Variants in FYTTD1 observed in about 807,000 individuals in gnomAD.
FYTTD1 encodes forty-two-three domain containing 1.
FYTTD1 carries 22 observed loss-of-function variants against 40.9 expected under a neutral mutation model. That is an observed-to-expected ratio of 0.54 (90% CI 0.38 to 0.77). FYTTD1 has a LOEUF of 0.77. Among genes scored for constraint, FYTTD1 ranks in the 30% least tolerant of loss-of-function variants. FYTTD1 has a pLI of 0.00. For synonymous variants in FYTTD1, 140 were observed against 137.9 expected (o/e 1.01, Z -0.10); for missense variants, 351 against 392.2 (o/e 0.90, Z 0.89).
chr3:197,771,114 C>T (rs568801740), intron 4 of FYTTD1, among the ~76,000 whole-genome samples: 3 of 151,922 alleles, frequency 2.0e-5, no homozygotes, highest in Admixed American at 6.6e-5. Flanking sequence ...CAGCTACTTA[C>T]GAGGCTGAGG....
intron 1 of FYTTD1, chr3:197,750,627 G>T: frequency 5.1e-6 from 5 of 985,406 alleles, no homozygotes; most frequent in Non-Finnish European, 6.0e-6. Context: ...CGCGACTCTC[G>T]GGGCCACCTC....
chr3:197,767,900 A>G (rs767622464), intron 2 of FYTTD1, among the ~76,000 whole-genome samples: 16 of 152,248 alleles, frequency 1.1e-4, no homozygotes, highest in Non-Finnish European at 1.6e-4. Flanking sequence ...ATGAAGCCAG[A>G]TTGCAGTGTG....
chr3:197,774,232 A>C, intron 6 of FYTTD1, 22 bp downstream of exon 6: 1 of 1,598,322 alleles, frequency 6.3e-7, no homozygotes, highest in Non-Finnish European at 8.6e-7. Flanking sequence ...TTTGTTTTTT[A>C]AGATGTTATT....
intron 2 of FYTTD1, among the ~76,000 whole-genome samples, chr3:197,758,095 G>T (rs1410042805): frequency 6.6e-6 from 1 of 152,146 alleles, no homozygotes; most frequent in Admixed American, 6.5e-5. Flanking sequence ...GAGAGACAGG[G>T]TTTCTCCACG....
chr3:197,778,238 A>T, intron 7 of FYTTD1, 100 bp from the exon 8 acceptor site: 1 of 843,900 alleles, frequency 1.2e-6, no homozygotes, highest in Non-Finnish European at 1.7e-6. Context: ...AAATGGCCCT[A>T]ATACATTTGA....
intron 4 of FYTTD1, among the ~76,000 whole-genome samples, chr3:197,772,556 A>T (rs966403883): frequency 2.6e-5 from 4 of 152,226 alleles, no homozygotes; most frequent in African/African-American, 4.8e-5. Context: ...GACAGTCATA[A>T]TTAAGAGCAT....
At chr3:197,781,589 G>A (rs1042115127) in intron 8 of FYTTD1, among the ~76,000 whole-genome samples, 5 of 152,092 alleles carry the variant, frequency 3.3e-5, no homozygotes. Context: ...TCAGATAGGG[G>A]CTTTGGGTGT....
Position 197,750,072 on chromosome 3 carries a change from T to C in FYTTD1, c.101T>C (p.Leu34Ser), listed in dbSNP as rs1310010622. The C allele has an allele frequency of 6.4e-7, 1 of 1,568,798 alleles. No individual in the cohort carries two copies. Among genetic ancestry groups the C allele is most frequent in the Non-Finnish European group, 8.6e-7 (1 of 1,158,348 alleles). The change falls in exon 1 of 9, where the codon TTG becomes TCG. Residue 34 changes from leucine to serine, a missense_variant and splice_region_variant. Physicochemically the swap from Leu to Ser is moderately radical, Grantham distance 145. Coordinates refer to ENST00000241502, the MANE Select transcript of FYTTD1 (RefSeq NM_032288.7). The part of the protein sequence containing the change: ...NENLDKIDMS[L>S]DDIIKLNRKE... ...AACCTCGACAAAATAGATATGTCTT[T>C]GGGTGAGGGGCCGAGTTGGACCGAG...
At chr3:197,757,839 C>A (rs541092736) in intron 2 of FYTTD1, among the ~76,000 whole-genome samples, 1 of 152,194 alleles carries the variant, frequency 6.6e-6, no homozygotes, top group Admixed American at 6.5e-5. Context: ...ATAGTTGAAC[C>A]TAAGGGAGTA....
rs1470791477 is a variant in FYTTD1, at chr3:197,770,212, A to G, written c.465A>G (p.Ala155=). 1 of 1,612,204 alleles carries G rather than the reference A, an allele frequency of 6.2e-7. No individual in the cohort carries two copies. Among genetic ancestry groups the G allele is most frequent in the Admixed American group, 1.7e-5 (1 of 59,954 alleles). The part of the protein sequence containing the change: ...RQNEGQRKPV[A]VLKRPSQLSR... ...ATGAAGGGCAGAGGAAACCAGTAGC[A>G]GTTCTCAAGAGACCTAGCCAGCTAA... is the stretch of plus-strand genomic sequence containing the variant. The change falls in exon 4 of 9, where the codon GCA becomes GCG. Residue 155 remains alanine, a synonymous_variant. Transcript: ENST00000241502.
chr3:197,787,344 T>TA lies in FYTTD1; in HGVS notation c.*5436dup, dbSNP rs923488809. ...GTCTCAAACTCCTGACCTCAGGTGA[T>TA]ATGCCCGCCTCTGACTCCCAAAGTG... On this transcript the variant is annotated 3_prime_UTR_variant, in exon 9 of 9. Transcript: ENST00000241502. The TA allele has an allele frequency of 6.6e-6, 1 of 152,180 alleles. No individual in the cohort carries two copies. Among genetic ancestry groups the TA allele is most frequent in the African/African-American group, 2.4e-5 (1 of 41,406 alleles). The allele number at this position is 152,180 out of a possible 1,614,324, so 9.4% of individuals were successfully genotyped here.
Position 197,777,152 on chromosome 3 carries a change from G to C in FYTTD1, c.731+151G>C, listed in dbSNP as rs1002852847. On this transcript the variant is annotated intron_variant, in intron 7 of 8. Coordinates refer to ENST00000241502, the MANE Select transcript of FYTTD1 (RefSeq NM_032288.7). ...GTGATACAATATGGAAACAGTATAT[G>C]GTGTAAAGTAAAGTAAGAGCTTTCT... is the stretch of plus-strand genomic sequence containing the variant. 4 of 566,960 alleles carry C rather than the reference G, an allele frequency of 7.1e-6. No individual in the cohort carries two copies. In the African/African-American group the frequency reaches 7.6e-5, roughly 11 times the overall value. 35.1% of individuals were successfully genotyped at this position (566,960 alleles called of 1,614,324 possible).
rs1358601750 is a variant in FYTTD1 at position 197,781,852 on chromosome 3, A to G, written c.900A>G (p.Glu300=). The change falls in exon 9 of 9, where the codon GAA becomes GAG. Residue 300 remains glutamate, a synonymous_variant. Coordinates refer to ENST00000241502, the MANE Select transcript of FYTTD1 (RefSeq NM_032288.7). ...TLNERFGILK[E]QRATLTYNKG... ...ATGAGCGGTTTGGGATCCTGAAGGA[A>G]CAAAGAGCCACTCTCACATACAACA... 6.2e-7 allele frequency: 1 copy of G among 1,610,846 alleles called. No homozygotes were observed. The highest frequency in any genetic ancestry group is 1.3e-5 in the African/African-American group (1 of 74,972).
At chr3:197,780,935 C>T (rs1319303483) in intron 8 of FYTTD1, among the ~76,000 whole-genome samples, 1 of 151,856 alleles carries the variant, frequency 6.6e-6, no homozygotes, top group African/African-American at 2.4e-5. Context: ...GAATTTTTAT[C>T]AAGAATGGGT....
At chr3:197,763,093 G>T (rs932991730) in intron 2 of FYTTD1, among the ~76,000 whole-genome samples, 4 of 152,078 alleles carry the variant, frequency 2.6e-5, no homozygotes, top group Non-Finnish European at 5.9e-5. Flanking sequence ...TTTTTTAAGT[G>T]AAATGGTTTT....
chr3:197,771,955 G>A (rs1318282779), intron 4 of FYTTD1, among the ~76,000 whole-genome samples: 4 of 151,866 alleles, frequency 2.6e-5, no homozygotes, highest in South Asian at 4.2e-4. Context: ...TTAGCTGGAC[G>A]TGGTGGTTCA....
At chr3:197,761,774 T>G (rs1729396314) in intron 2 of FYTTD1, among the ~76,000 whole-genome samples, 1 of 152,256 alleles carries the variant, frequency 6.6e-6, no homozygotes, top group African/African-American at 2.4e-5. Context: ...GAATGTACAG[T>G]AGCCTTTTCC....
intron 4 of FYTTD1, among the ~76,000 whole-genome samples, chr3:197,772,917 T>A (rs1178730240): frequency 6.6e-6 from 1 of 152,190 alleles, no homozygotes; most frequent in East Asian, 1.9e-4. Flanking sequence ...CCTCTATGGT[T>A]TATGTTAATA....
chr3:197,758,399 G>C (rs559352034), intron 2 of FYTTD1, among the ~76,000 whole-genome samples: 2 of 152,244 alleles, frequency 1.3e-5, no homozygotes, highest in Admixed American at 6.5e-5. Flanking sequence ...TGGGTCCTAG[G>C]GGGTACATAA....
Sources: allele counts gnomAD v4.1 joint callset (sites outside exome capture counted in the v4.1 genomes callset), GRCh38; gene constraint gnomAD v4.1.1; transcripts MANE v1.5; gene names NCBI Gene and HGNC (gene_info 2026-07-23, HGNC 2026-07-21).